ZNF407: variants seen among roughly 807,000 people sequenced by gnomAD.
The protein encoded by ZNF407 is zinc finger protein 407.
ZNF407 carries 17 observed loss-of-function variants against 131.2 expected under a neutral mutation model. That is an observed-to-expected ratio of 0.13 (90% confidence interval 0.09 to 0.19). The LOEUF is 0.19. ZNF407 is among the 10% of genes least tolerant of loss of function. The pLI, the probability that ZNF407 is intolerant of heterozygous loss-of-function variation, is 1.00. For missense variants in ZNF407, 2,681 were observed against 2,830.6 expected, an observed-to-expected ratio of 0.95 and a Z score of 1.20; for synonymous variants, 1,156 against 1,062.0, an observed-to-expected ratio of 1.09 and a Z score of -1.72.
chr18:74,954,132 T>A (rs536165379), intron 8 of ZNF407, among the ~76,000 whole-genome samples: 105 of 152,352 alleles, frequency 6.9e-4, no homozygotes, highest in Non-Finnish European at 1.4e-3. Context: ...CAAAATTTAA[T>A]GCTTTCTAAA....
At chr18:74,863,450 T>C (rs1198965173) in intron 4 of ZNF407, among the ~76,000 whole-genome samples, 1 of 152,146 alleles carries the variant, frequency 6.6e-6, no homozygotes, top group Non-Finnish European at 1.5e-5. Context: ...GTGTTTCTTC[T>C]GTCTTTTACC....
At chr18:74,886,882 G>A (rs1467716539) in intron 6 of ZNF407, among the ~76,000 whole-genome samples, 2 of 152,150 alleles carry the variant, frequency 1.3e-5, no homozygotes, top group Non-Finnish European at 2.9e-5. Flanking sequence ...CACTGAAGCT[G>A]TTTAAAATGC....
Position 74,646,451 on chromosome 18 carries a change from G to A in ZNF407, c.4802+5329G>A. On this transcript the variant is annotated intron_variant, in intron 3 of 8. Coordinates refer to ENST00000299687, the MANE Select transcript of ZNF407 (RefSeq NM_017757.3). Reference sequence around the variant, plus strand: ...ATTAACATTAAAATGCTCTCCCATTGTAAATGATACGTTATATATTTTATC... The same window carrying A: ...ATTAACATTAAAATGCTCTCCCATTATAAATGATACGTTATATATTTTATC... Among the ~76,000 whole-genome samples the A allele has an allele frequency of 2.0e-5, 3 of 152,178 alleles. No homozygotes were observed. The South Asian group carries it at 6.2e-4, about 32-fold the overall frequency.
Position 74,667,227 on chromosome 18 carries a change from C to T in ZNF407, c.4802+26105C>T, listed in dbSNP as rs146616363. Among the ~76,000 whole-genome samples the T allele has an allele frequency of 2.0e-3, 312 of 152,276 alleles. 1 individual carries two copies. The highest frequency in any genetic ancestry group is 6.8e-3 in the Middle Eastern group (2 of 294). Reference sequence around the variant, plus strand: ...TCGTCTGTTTCCAGTGTGTGGAGTCCGGTGTGCTGACTGTTGGTGGTCACT... The same window carrying T: ...TCGTCTGTTTCCAGTGTGTGGAGTCTGGTGTGCTGACTGTTGGTGGTCACT... On this transcript the variant is annotated intron_variant, in intron 3 of 8. Transcript: ENST00000299687.
chr18:74,983,304 C>T (rs1972614814), intron 8 of ZNF407, among the ~76,000 whole-genome samples: 2 of 152,052 alleles, frequency 1.3e-5, no homozygotes, highest in Non-Finnish European at 2.9e-5. Context: ...GGGGTATGGC[C>T]CCATTAAGGT....
At position 75,063,759 on chromosome 18, in the gene ZNF407, G is replaced by A. The variant is rs1249633054; in HGVS notation, c.6038G>A (p.Arg2013Lys). ...EGRAGLEEQG[R>K]PGAKDVLIQL... ...AGGGCTGGGCTCGAGGAGCAAGGCAGGCCCGGCGCCAAAGACGTGCTGATC... is the reference window on the plus strand; with the variant it reads ...AGGGCTGGGCTCGAGGAGCAAGGCAAGCCCGGCGCCAAAGACGTGCTGATC... The change falls in exon 9 of 9, where the codon AGG becomes AAG. Residue 2013 changes from arginine to lysine, a missense_variant. By Grantham distance (26) the Arg-to-Lys change is conservative (BLOSUM62 2). Around this residue, in one of 6 missense-constraint regions of ZNF407, gnomAD observed 620 missense variants for 583.1 expected, o/e 1.06. Coordinates refer to ENST00000299687, the MANE Select transcript of ZNF407 (RefSeq NM_017757.3). This position sits in a 1 kb window ranked among gnomAD's most constrained non-coding sequence, Gnocchi z 6.6. The A allele has an allele frequency of 6.2e-7, 1 of 1,611,538 alleles. No individual in the cohort carries two copies. The highest frequency in any genetic ancestry group is 2.2e-5 in the East Asian group (1 of 44,852).
intron 4 of ZNF407, among the ~76,000 whole-genome samples, chr18:74,799,954 A>G (rs1248109139): frequency 2.3e-5 from 3 of 131,430 alleles, no homozygotes; most frequent in Non-Finnish European, 4.8e-5. Flanking sequence ...TACCAATGCC[A>G]TTGCTTTTTG....
chr18:74,902,347 C>T (rs1160446054), intron 7 of ZNF407, among the ~76,000 whole-genome samples: 1 of 152,216 alleles, frequency 6.6e-6, no homozygotes, highest in Non-Finnish European at 1.5e-5. Flanking sequence ...TGGTGCGAAA[C>T]TACACAGCTC....
chr18:74,916,641 TGTGTGTGTGTGC>T (rs1568268457), intron 7 of ZNF407, among the ~76,000 whole-genome samples: 2 of 140,578 alleles, frequency 1.4e-5, no homozygotes, highest in Non-Finnish European at 3.1e-5. Flanking sequence ...TGTGTGTGTG[TGTGTGTGTGTGC>T]ATGTGTGTGC....
chr18:74,770,702 T>C (rs1969342518), intron 3 of ZNF407, among the ~76,000 whole-genome samples: 1 of 152,116 alleles, frequency 6.6e-6, no homozygotes, highest in African/African-American at 2.4e-5. Flanking sequence ...CTTCATTTGC[T>C]CCGGGAAATT....
At chr18:74,608,680 T>C (rs1982918974) in intron 1 of ZNF407, among the ~76,000 whole-genome samples, 1 of 152,188 alleles carries the variant, frequency 6.6e-6, no homozygotes, top group African/African-American at 2.4e-5. Flanking sequence ...TTCATGACTT[T>C]GATACTTTTG....
At chr18:74,838,812 T>C (rs1268120583) in intron 4 of ZNF407, among the ~76,000 whole-genome samples, 1 of 152,220 alleles carries the variant, frequency 6.6e-6, no homozygotes, top group Non-Finnish European at 1.5e-5. Context: ...TCAGATTCTT[T>C]TGTCTCATTT....
intron 3 of ZNF407, among the ~76,000 whole-genome samples, chr18:74,645,151 T>C (rs1208506645): frequency 1.3e-5 from 2 of 152,052 alleles, no homozygotes; most frequent in Non-Finnish European, 2.9e-5. Context: ...GGTTACAAAC[T>C]GAACATATTT....
intron 4 of ZNF407, among the ~76,000 whole-genome samples, chr18:74,790,173 C>A (rs2145048140): frequency 6.6e-6 from 1 of 152,258 alleles, no homozygotes; most frequent in East Asian, 1.9e-4. Flanking sequence ...ATACTACATG[C>A]ATTATAACTA....
At chr18:74,852,826 G>C (rs148885370) in intron 4 of ZNF407, among the ~76,000 whole-genome samples, 1 of 152,286 alleles carries the variant, frequency 6.6e-6, no homozygotes, top group Non-Finnish European at 1.5e-5. Flanking sequence ...TTCAAGGTTT[G>C]TGATGTGATA....
intron 3 of ZNF407, among the ~76,000 whole-genome samples, chr18:74,778,461 C>G (rs1969520600): frequency 6.6e-6 from 1 of 152,182 alleles, no homozygotes; most frequent in African/African-American, 2.4e-5. Context: ...TACCACTTGA[C>G]ATTGCTTAAT....
At chr18:74,610,696 C>A (rs75134700) in intron 1 of ZNF407, among the ~76,000 whole-genome samples, 3,917 of 152,006 alleles carry the variant, frequency 0.026, 147 homozygotes, top group African/African-American at 0.084. Context: ...ATTAAGGTGC[C>A]CACTACCACA....
intron 3 of ZNF407, among the ~76,000 whole-genome samples, chr18:74,767,224 T>C (rs1037673286): frequency 2.0e-5 from 3 of 152,208 alleles, no homozygotes; most frequent in African/African-American, 7.2e-5. Flanking sequence ...GACTTCGTTA[T>C]TATTAAAAAG....
chr18:75,048,473 G>T lies in ZNF407; in HGVS notation c.5429-14677G>T, dbSNP rs1359776362. Among the ~76,000 whole-genome samples the T allele has an allele frequency of 6.6e-6, 1 of 152,148 alleles. No homozygotes were observed. The highest frequency in any genetic ancestry group is 1.5e-5 in the Non-Finnish European group (1 of 68,034). On this transcript the variant is annotated intron_variant, in intron 8 of 8. Transcript: ENST00000299687. This position sits in a 1 kb window ranked among gnomAD's most constrained non-coding sequence, Gnocchi z 4.1. ...TCAGCCTCCCACGCAGCACCCAGGT[G>T]ACTTCAACCCTCAGGTGTTTGGGAC... is the stretch of plus-strand genomic sequence containing the variant.
Sources: gnomAD v4.1 joint callset for allele counts (sites outside exome capture counted in the v4.1 genomes callset) on GRCh38, gnomAD v4.1.1 for gene constraint, gnomAD v4.1.1 regional missense constraint, Gnocchi (gnomAD v3.1) non-coding constraint, MANE v1.5 for transcripts, NCBI Gene and HGNC (gene_info 2026-07-23, HGNC 2026-07-21) for gene names.